TRERF1: variants seen among roughly 807,000 people sequenced by gnomAD.
The protein encoded by TRERF1 is transcriptional regulating factor 1.
TRERF1 carries 27 observed loss-of-function variants against 122.9 expected under a neutral mutation model. The observed-to-expected ratio is 0.22, with a 90% CI of 0.16 to 0.30. TRERF1 has a LOEUF of 0.30. Among genes scored for constraint, TRERF1 ranks in the 10% least tolerant of loss-of-function variants. The probability of loss-of-function intolerance (pLI) is 1.00; values close to 1 mark genes in which losing one functional copy is unlikely to be tolerated. For synonymous variants in TRERF1, 636 were observed against 641.7 expected (o/e 0.99, Z 0.13); for missense variants, 1,248 against 1,560.3 (o/e 0.80, Z 3.37).
intron 5 of TRERF1, among the ~76,000 whole-genome samples, chr6:42,266,363 A>G (rs910133251): frequency 2.6e-5 from 4 of 151,636 alleles, no homozygotes; most frequent in Non-Finnish European, 5.9e-5. Context: ...TAAATTTTTG[A>G]TTTTTTGTAG....
intron 4 of TRERF1, among the ~76,000 whole-genome samples, chr6:42,287,295 A>T (rs371563684): frequency 0.013 from 1,995 of 151,446 alleles, 20 homozygotes; most frequent in South Asian, 0.029. Flanking sequence ...AGTATAATAA[A>T]AAAAAAAAAA....
At chr6:42,368,175 G>A (rs952068297) in intron 2 of TRERF1, among the ~76,000 whole-genome samples, 1 of 152,018 alleles carries the variant, frequency 6.6e-6, no homozygotes, top group Non-Finnish European at 1.5e-5. Context: ...ATACTTGGTG[G>A]CTGTGCTCCA....
chr6:42,444,173 C>T, intron 2 of TRERF1, among the ~76,000 whole-genome samples: 1 of 113,196 alleles, frequency 8.8e-6, no homozygotes, highest in Admixed American at 9.9e-5. Flanking sequence ...AACAGGCAGC[C>T]TTTGCTTTTT....
intron 2 of TRERF1, among the ~76,000 whole-genome samples, chr6:42,382,059 A>G (rs558959536): frequency 1.3e-5 from 2 of 152,040 alleles, no homozygotes; most frequent in Admixed American, 1.3e-4. Context: ...CAGACAAGGC[A>G]ACTGAGGCCT....
chr6:42,295,303 C>A (rs1427738639), intron 4 of TRERF1, among the ~76,000 whole-genome samples: 1 of 152,098 alleles, frequency 6.6e-6, no homozygotes, highest in Admixed American at 6.5e-5. Flanking sequence ...AGGTGGTAGC[C>A]CAGATGAGCT....
intron 2 of TRERF1, among the ~76,000 whole-genome samples, chr6:42,434,075 G>A (rs1324502771): frequency 1.3e-5 from 2 of 151,936 alleles, no homozygotes; most frequent in Admixed American, 6.6e-5. Context: ...ACAACAAAAA[G>A]GAATAGTAAA....
chr6:42,400,370 T>C (rs780739441), intron 2 of TRERF1, among the ~76,000 whole-genome samples: 10 of 152,176 alleles, frequency 6.6e-5, no homozygotes, highest in Admixed American at 6.5e-5. Context: ...GGCAGCTAGA[T>C]AATAACAAAT....
chr6:42,371,849 G>T (rs1199837737), intron 2 of TRERF1, among the ~76,000 whole-genome samples: 1 of 152,136 alleles, frequency 6.6e-6, no homozygotes, highest in Admixed American at 6.5e-5. Flanking sequence ...GCACTGTTCT[G>T]TTTAAGTAGG....
chr6:42,265,823 G>A (rs765031649), intron 5 of TRERF1, 26 bp from the exon 6 acceptor site: 6 of 1,610,322 alleles, frequency 3.7e-6, no homozygotes, highest in Middle Eastern at 1.6e-4. Flanking sequence ...ACAGGACACC[G>A]AAAAAAAGAA....
chr6:42,411,651 G>T (rs1781111212), intron 2 of TRERF1, among the ~76,000 whole-genome samples: 1 of 152,176 alleles, frequency 6.6e-6, no homozygotes, highest in East Asian at 1.9e-4. Context: ...CTGAGGGCAG[G>T]GCTTGGCTGA....
intron 2 of TRERF1, among the ~76,000 whole-genome samples, chr6:42,374,805 C>T (rs897137677): frequency 2.0e-5 from 3 of 151,742 alleles, no homozygotes; most frequent in African/African-American, 4.8e-5. Context: ...CTAAGGAGTT[C>T]GAGGCCACTC....
At chr6:42,252,323 G>A (rs560208040) in intron 13 of TRERF1, among the ~76,000 whole-genome samples, 1 of 152,346 alleles carries the variant, frequency 6.6e-6, no homozygotes, top group South Asian at 2.1e-4. Context: ...GTAAAGTAAG[G>A]AAGTGATTTT....
intron 2 of TRERF1, among the ~76,000 whole-genome samples, chr6:42,398,722 G>T (rs535129983): frequency 3.9e-5 from 6 of 152,358 alleles, no homozygotes; most frequent in Admixed American, 3.3e-4. Context: ...TGGATAGACG[G>T]ATGGATGGGT....
At chr6:42,405,310 C>G (rs1475575616) in intron 2 of TRERF1, among the ~76,000 whole-genome samples, 1 of 152,200 alleles carries the variant, frequency 6.6e-6, no homozygotes, top group Non-Finnish European at 1.5e-5. Flanking sequence ...CAAGGTTATA[C>G]TGATGTGTGC....
At chr6:42,384,755 G>A (rs1007038036) in intron 2 of TRERF1, among the ~76,000 whole-genome samples, 13 of 151,802 alleles carry the variant, frequency 8.6e-5, no homozygotes, top group African/African-American at 1.7e-4. Context: ...GTACCCATAC[G>A]CATCAGTTCA....
At chr6:42,411,629 T>A (rs1781107070) in intron 2 of TRERF1, among the ~76,000 whole-genome samples, 1 of 152,048 alleles carries the variant, frequency 6.6e-6, no homozygotes, top group African/African-American at 2.4e-5. Context: ...AGACCAGACA[T>A]GACTATAAGA....
chr6:42,241,624 G>A (rs1263603326), intron 15 of TRERF1, among the ~76,000 whole-genome samples: 2 of 152,024 alleles, frequency 1.3e-5, no homozygotes. Flanking sequence ...ACCACGCCTG[G>A]CTAATTTTTT....
chr6:42,380,499 C>T (rs1354303756), intron 2 of TRERF1, among the ~76,000 whole-genome samples: 2 of 152,222 alleles, frequency 1.3e-5, no homozygotes, highest in Non-Finnish European at 2.9e-5. Flanking sequence ...TCTGGACCTC[C>T]ATATTCTCCT....
chr6:42,410,084 T>C (rs1780891274), intron 2 of TRERF1, among the ~76,000 whole-genome samples: 1 of 152,210 alleles, frequency 6.6e-6, no homozygotes, highest in Non-Finnish European at 1.5e-5. Flanking sequence ...TCTATTAATA[T>C]TGGCCTCTCT....
Sources: allele counts gnomAD v4.1 joint callset (sites outside exome capture counted in the v4.1 genomes callset), GRCh38; gene constraint gnomAD v4.1.1; transcripts MANE v1.5; gene names NCBI Gene and HGNC (gene_info 2026-07-23, HGNC 2026-07-21).